CYREN: variants seen among roughly 807,000 people sequenced by gnomAD.
CYREN encodes the protein cell cycle regulator of non-homologous end joining.
CYREN carries 7 observed loss-of-function variants against 9.7 expected under a neutral mutation model. The ratio of observed to expected loss-of-function variants is 0.72; its 90% CI spans 0.41 to 1.36. The LOEUF (loss-of-function observed/expected upper bound fraction) is 1.36. Among genes scored for constraint, CYREN ranks in the 40% most tolerant of loss-of-function variants. The pLI is 0.01. For synonymous variants in CYREN, 76 were observed against 77.9 expected, an observed-to-expected ratio of 0.98 and a Z score of 0.13; for missense variants, 215 against 198.1, an observed-to-expected ratio of 1.09 and a Z score of -0.51.
intron 2 of CYREN, among the ~76,000 whole-genome samples, chr7:135,116,878 G>A (rs948097252): frequency 6.6e-6 from 1 of 152,134 alleles, no homozygotes; most frequent in Non-Finnish European, 1.5e-5. Context: ...CTATTGTTGA[G>A]AGCTTTTTGT....
At chr7:135,130,352 G>A (rs1242913528) in intron 2 of CYREN, among the ~76,000 whole-genome samples, 1 of 152,100 alleles carries the variant, frequency 6.6e-6, no homozygotes, top group East Asian at 1.9e-4. Context: ...TTTATTAATG[G>A]TGTATATGCT....
At position 135,166,867 on chromosome 7, in the gene CYREN, C is replaced by T. The variant is rs774449769; in HGVS notation, c.218G>A (p.Arg73His). 1.9e-5 allele frequency: 30 copies of T among 1,612,976 alleles called. No individual in the cohort carries two copies. Among genetic ancestry groups the T allele is most frequent in the South Asian group, 1.4e-4 (13 of 91,046 alleles). Residue 73 changes from arginine to histidine, a missense_variant, in exon 4 of 4, where the codon CGC (arginine) becomes CAC (histidine). Arg to His is a conservative substitution (Grantham distance 29). Transcript: ENST00000393114. ...CTGCTCGCAGGCCTTTTCCTGTTTG[C>T]GGCTCTGTGGAGTACGGGAAAACGC... is the stretch of plus-strand genomic sequence containing the variant. The part of the protein sequence containing the change: ...DVALGILIES[R>H]KQEKACEQPA...
In CYREN at chr7:135,168,834, T is replaced by C; in HGVS notation, c.89A>G (p.Lys30Arg). 6.2e-7 allele frequency: 1 copy of C among 1,614,048 alleles called. No individual in the cohort carries two copies. Among genetic ancestry groups the C allele is most frequent in the Non-Finnish European group, 8.5e-7 (1 of 1,179,956 alleles). ...TGCCATTCTCATCCTCTTGGGGGCCTTCATTGGTGCCACATTCTTTGTAGC... is the reference window on the plus strand; with the variant it reads ...TGCCATTCTCATCCTCTTGGGGGCCCTCATTGGTGCCACATTCTTTGTAGC... ...QVATKNVAPM[K>R]APKRMRMAAV... is the part of the protein sequence containing the mutation. Residue 30 changes from lysine to arginine, a missense_variant, in exon 2 of 4, where the codon AAG (lysine) becomes AGG (arginine). Lys to Arg is a conservative substitution (Grantham distance 26). Transcript: ENST00000393114.
chr7:135,167,741 G>C lies in CYREN; in HGVS notation c.204C>G (p.Ile68Met). The C allele has an allele frequency of 6.2e-7, 1 of 1,614,138 alleles. No individual in the cohort carries two copies. The highest frequency in any genetic ancestry group is 8.5e-7 in the Non-Finnish European group (1 of 1,180,012). ...GCTTGTCTGACTTTACCTCAATCAG[G>C]ATTCCCAGAGCAACATCAACTATCT... ...EAEIVDVALGILIESRKQEKA... is the reference protein window; with the variant it reads ...EAEIVDVALGMLIESRKQEKA... The change falls in exon 3 of 4, where the codon ATC (isoleucine) becomes ATG (methionine). Residue 68 changes from isoleucine (I) to methionine (M), a missense_variant. Physicochemically the swap from Ile to Met is conservative, Grantham distance 10. Coordinates refer to ENST00000393114, the MANE Select transcript of CYREN (RefSeq NM_024033.4).
chr7:135,149,021 CAGT>C (rs2117417331), intron 2 of CYREN, among the ~76,000 whole-genome samples: 1 of 152,246 alleles, frequency 6.6e-6, no homozygotes, highest in South Asian at 2.1e-4. Flanking sequence ...GAGCATTTTT[CAGT>C]ATCCACTTAC....
chr7:135,150,683 C>T (rs1290307469), intron 2 of CYREN, among the ~76,000 whole-genome samples: 8 of 152,214 alleles, frequency 5.3e-5, no homozygotes, highest in African/African-American at 1.7e-4. Flanking sequence ...GAATCTTGGC[C>T]GCCCACAAAC....
chr7:135,128,088 T>TTA (rs1828144423), intron 2 of CYREN, among the ~76,000 whole-genome samples: 1 of 151,596 alleles, frequency 6.6e-6, no homozygotes, highest in South Asian at 2.1e-4. Context: ...GGTCAGGAGT[T>TTA]TGAGACCAGC....
At chr7:135,132,856 G>A (rs1828975045) in intron 2 of CYREN, among the ~76,000 whole-genome samples, 1 of 151,930 alleles carries the variant, frequency 6.6e-6, no homozygotes, top group South Asian at 2.1e-4. Context: ...CCCAGCATTG[G>A]GTATGTTTTT....
chr7:135,112,803 T>C (rs1825822119), intron 2 of CYREN, among the ~76,000 whole-genome samples: 1 of 152,154 alleles, frequency 6.6e-6, no homozygotes, highest in African/African-American at 2.4e-5. Context: ...AGATGGAGTA[T>C]TGATTGCTCT....
intron 2 of CYREN, among the ~76,000 whole-genome samples, chr7:135,132,369 G>A (rs1305153330): frequency 6.6e-6 from 1 of 152,160 alleles, no homozygotes; most frequent in Non-Finnish European, 1.5e-5. Flanking sequence ...TATTCAAAAA[G>A]TAATTGATGA....
chr7:135,115,520 T>C, intron 2 of CYREN: 2 of 1,551,474 alleles, frequency 1.3e-6, no homozygotes, highest in South Asian at 2.4e-5. Flanking sequence ...ATTGCAGTAT[T>C]TGCTCCCCAT....
At chr7:135,162,915 T>C (rs1829983173), downstream of CYREN, among the ~76,000 whole-genome samples, 1 of 152,218 alleles carries the variant, frequency 6.6e-6, no homozygotes, top group African/African-American at 2.4e-5. Flanking sequence ...GTGGGCACTT[T>C]TATATACAAT....
At chr7:135,131,273 T>G (rs953156528) in intron 2 of CYREN, among the ~76,000 whole-genome samples, 1 of 151,796 alleles carries the variant, frequency 6.6e-6, no homozygotes, top group African/African-American at 2.4e-5. Flanking sequence ...TGAGAACACA[T>G]GGACACATAG....
chr7:135,115,445 A>G (rs1585202730), intron 2 of CYREN: 1 of 1,551,508 alleles, frequency 6.4e-7, no homozygotes. Context: ...GAAGACTGGC[A>G]TAAATTGGAC....
rs573340774 is a variant in CYREN at position 135,096,935 on chromosome 7, T to C, written n.357-2353A>G. ...GGATTGTGCATTATAAAGGAAAGGA[T>C]GTGAAAGCACATATGAAGACTGAAT... On this transcript the variant is annotated intron_variant and non_coding_transcript_variant, in intron 2 of 2. Transcript: ENST00000459937. Among the ~76,000 whole-genome samples, 3 of 152,262 alleles carry C rather than the reference T, an allele frequency of 2.0e-5. No individual in the cohort carries two copies. The East Asian group carries it at 5.8e-4, about 29-fold the overall frequency.
In CYREN at chr7:135,154,769, A is replaced by AT. The variant is rs556428378; in HGVS notation, n.356+13979dup. Reference sequence around the variant, plus strand: ...GTTAAAACTTCTTTTGTGGCCTTACATGTGATCTATCTTGGAGAATGTTCC... The same window carrying AT: ...GTTAAAACTTCTTTTGTGGCCTTACATTGTGATCTATCTTGGAGAATGTTCC... On this transcript the variant is annotated intron_variant and non_coding_transcript_variant, in intron 2 of 2. Transcript: ENST00000459937. Among the ~76,000 whole-genome samples the AT allele has an allele frequency of 1.3e-3, 200 of 152,332 alleles. 3 individuals carry two copies. Among genetic ancestry groups the AT allele is most frequent in the African/African-American group, 4.7e-3 (195 of 41,586 alleles).
At chr7:135,096,367 C>G (rs573503278) in intron 2 of CYREN, among the ~76,000 whole-genome samples, 3 of 144,856 alleles carry the variant, frequency 2.1e-5, no homozygotes, top group East Asian at 2.1e-4. Flanking sequence ...GAGAGACAGA[C>G]AGACAGACAG....
At chr7:135,103,535 C>T (rs563536782) in intron 2 of CYREN, among the ~76,000 whole-genome samples, 16 of 152,136 alleles carry the variant, frequency 1.1e-4, no homozygotes, top group Admixed American at 3.3e-4. Flanking sequence ...TTATCTGATC[C>T]GTCTGCACTG....
intron 2 of CYREN, chr7:135,168,470 G>T: frequency 2.4e-6 from 1 of 424,148 alleles, no homozygotes; most frequent in Non-Finnish European, 4.2e-6. Flanking sequence ...ATGTTACCAT[G>T]TTTGTTGTAA....
Sources: allele counts gnomAD v4.1 joint callset (sites outside exome capture counted in the v4.1 genomes callset), GRCh38; gene constraint gnomAD v4.1.1; transcripts MANE v1.5; gene names NCBI Gene and HGNC (gene_info 2026-07-23, HGNC 2026-07-21).